The following SLC6A11 variants were observed in gnomAD, a reference collection of about 807,000 sequenced individuals.
The protein encoded by SLC6A11 is sodium- and chloride-dependent GABA transporter 3.
Under a neutral mutation model 74.8 loss-of-function variants are expected in SLC6A11, and 25 were observed. The ratio of observed to expected loss-of-function variants is 0.33; its 90% CI spans 0.24 to 0.47. SLC6A11 has a LOEUF of 0.47. Ranked by LOEUF, SLC6A11 falls within the 20% of genes least tolerant of loss-of-function variation. SLC6A11 has a pLI of 1.00. For synonymous variants in SLC6A11, 330 were observed against 330.2 expected (o/e 1.00, Z 0.01); for missense variants, 574 against 837.0 (o/e 0.69, Z 3.88).
chr3:10,925,937 A>G (rs1280624155), intron 8 of SLC6A11, 67 bp from the exon 9 acceptor site: 3 of 878,834 alleles, frequency 3.4e-6, no homozygotes, highest in Non-Finnish European at 5.6e-6. Context: ...TAAATGCTGG[A>G]TTAAAATAGC....
chr3:10,865,034 G>C (rs1040491201), intron 5 of SLC6A11, among the ~76,000 whole-genome samples: 1 of 152,192 alleles, frequency 6.6e-6, no homozygotes, highest in African/African-American at 2.4e-5. Context: ...CTTTGTCTGT[G>C]GTCTTGAACC....
chr3:10,923,464 A>G (rs1695562440), intron 8 of SLC6A11, among the ~76,000 whole-genome samples: 1 of 152,202 alleles, frequency 6.6e-6, no homozygotes, highest in Admixed American at 6.5e-5. Flanking sequence ...AAATGATAGT[A>G]TTGGATTTTA....
chr3:10,887,591 G>A (rs931976472), intron 6 of SLC6A11, among the ~76,000 whole-genome samples: 1 of 152,108 alleles, frequency 6.6e-6, no homozygotes, highest in African/African-American at 2.4e-5. Flanking sequence ...GATTACAGCT[G>A]TGCGCCTCCA....
chr3:10,903,935 C>T (rs567190440), intron 6 of SLC6A11, among the ~76,000 whole-genome samples: 3 of 152,342 alleles, frequency 2.0e-5, no homozygotes, highest in East Asian at 1.9e-4. Flanking sequence ...CTCCCCCAAA[C>T]ATCTAAGAAA....
chr3:10,835,289 G>A (rs1046119382), intron 4 of SLC6A11, among the ~76,000 whole-genome samples: 1 of 152,194 alleles, frequency 6.6e-6, no homozygotes, highest in Non-Finnish European at 1.5e-5. Flanking sequence ...GAGGAGTAAT[G>A]GGCAGGAATC....
chr3:10,871,069 A>G (rs1166035361), intron 5 of SLC6A11, among the ~76,000 whole-genome samples: 1 of 152,208 alleles, frequency 6.6e-6, no homozygotes, highest in Non-Finnish European at 1.5e-5. Flanking sequence ...AAACAATGGA[A>G]TTGCTTCAAA....
Position 10,918,096 on chromosome 3 carries a change from T to G in SLC6A11, c.996-233T>G, listed in dbSNP as rs1264002805. Among the ~76,000 whole-genome samples, 1 of 152,202 alleles carries G rather than the reference T, an allele frequency of 6.6e-6. No homozygotes were observed. Among genetic ancestry groups the G allele is most frequent in the Non-Finnish European group, 1.5e-5 (1 of 68,036 alleles). On this transcript the variant is annotated intron_variant, in intron 7 of 13. Coordinates refer to ENST00000254488, the MANE Select transcript of SLC6A11 (RefSeq NM_014229.3). This position sits in a 1 kb window ranked among gnomAD's most constrained non-coding sequence, Gnocchi z 4.5. ...CTCCCTTCCCATGCTGGCTCTATGC[T>G]TCTGATTCGTGACCTACCTTACCTT...
rs539607217 is a variant in SLC6A11 at position 10,932,926 on chromosome 3, C to T, written c.1372-225C>T. On this transcript the variant is annotated intron_variant, in intron 10 of 13. Coordinates refer to ENST00000254488, the MANE Select transcript of SLC6A11 (RefSeq NM_014229.3). ...GGTGCTGGAAAGTGAGGGGCTGAGA[C>T]AAGACAAACCATCTGCGGTCCCAGC... Among the ~76,000 whole-genome samples, 5 of 152,142 alleles carry T rather than the reference C, an allele frequency of 3.3e-5. 1 individual carries two copies. The highest frequency in any genetic ancestry group is 7.2e-5 in the African/African-American group (3 of 41,490).
chr3:10,860,170 G>T (rs1694686521), intron 5 of SLC6A11, among the ~76,000 whole-genome samples: 1 of 152,154 alleles, frequency 6.6e-6, no homozygotes, highest in African/African-American at 2.4e-5. Flanking sequence ...CAGAGACATA[G>T]TGTAATCTTT....
chr3:10,822,067 T>C (rs185045642), intron 3 of SLC6A11, among the ~76,000 whole-genome samples: 5 of 152,334 alleles, frequency 3.3e-5, no homozygotes, highest in African/African-American at 1.2e-4. Flanking sequence ...CAAACCTCTT[T>C]CTTCAACTGG....
chr3:10,833,934 C>T (rs547543331), intron 4 of SLC6A11, among the ~76,000 whole-genome samples: 1 of 152,324 alleles, frequency 6.6e-6, no homozygotes, highest in South Asian at 2.1e-4. Flanking sequence ...AGAGTTTTGT[C>T]TGAGGTTCTT....
At chr3:10,877,280 A>T (rs930521013) in intron 6 of SLC6A11, among the ~76,000 whole-genome samples, 2 of 152,184 alleles carry the variant, frequency 1.3e-5, no homozygotes, top group Non-Finnish European at 2.9e-5. Context: ...GTAATTTAGG[A>T]TTCACAGGAC....
intron 10 of SLC6A11, among the ~76,000 whole-genome samples, chr3:10,930,413 T>C (rs1881366): frequency 0.32 from 49,059 of 152,072 alleles, 8,384 homozygotes; most frequent in Admixed American, 0.47. Context: ...GCACCTGGCA[T>C]GGGGTGGGTG....
chr3:10,907,256 C>A (rs1189615579), intron 6 of SLC6A11, among the ~76,000 whole-genome samples: 1 of 151,500 alleles, frequency 6.6e-6, no homozygotes, highest in African/African-American at 2.4e-5. Context: ...GAAAAAGTAA[C>A]TAAAATGAAG....
chr3:10,922,627 A>C (rs1201335797), intron 8 of SLC6A11, among the ~76,000 whole-genome samples: 1 of 152,178 alleles, frequency 6.6e-6, no homozygotes, highest in Non-Finnish European at 1.5e-5. Flanking sequence ...GAAGAATGAG[A>C]AGGAAGCAGT....
chr3:10,882,216 C>T (rs1213545320), intron 6 of SLC6A11, among the ~76,000 whole-genome samples: 1 of 152,204 alleles, frequency 6.6e-6, no homozygotes, highest in African/African-American at 2.4e-5. Context: ...TCTTTGGAGC[C>T]TTGGGAGCCA....
chr3:10,930,068 A>G (rs1370679804), intron 10 of SLC6A11, among the ~76,000 whole-genome samples: 2 of 152,262 alleles, frequency 1.3e-5, no homozygotes, highest in Non-Finnish European at 2.9e-5. Context: ...TGTAAGAAAC[A>G]TGGAAAGAAA....
chr3:10,870,588 T>C (rs1018743471), intron 5 of SLC6A11, among the ~76,000 whole-genome samples: 10 of 152,198 alleles, frequency 6.6e-5, no homozygotes, highest in Non-Finnish European at 1.3e-4. Flanking sequence ...GCACAGCTGT[T>C]CTCAGGAAAA....
At chr3:10,835,016 G>A (rs1286451578) in intron 4 of SLC6A11, among the ~76,000 whole-genome samples, 8 of 152,124 alleles carry the variant, frequency 5.3e-5, no homozygotes, top group Non-Finnish European at 7.4e-5. Context: ...ACCAGACCCC[G>A]ACTCCCCACT....
Sources: allele counts gnomAD v4.1 joint callset (sites outside exome capture counted in the v4.1 genomes callset), GRCh38; gene constraint gnomAD v4.1.1; non-coding constraint Gnocchi (gnomAD v3.1); transcripts MANE v1.5; gene names NCBI Gene and HGNC (gene_info 2026-07-23, HGNC 2026-07-21).